Variants in DOK6 observed in about 807,000 individuals in gnomAD.
DOK6 encodes the protein docking protein 6.
A neutral mutation model predicts 44.0 loss-of-function variants in DOK6; 22 were observed. The observed-to-expected ratio is 0.50, with a 90% CI of 0.36 to 0.71. The LOEUF (loss-of-function observed/expected upper bound fraction) is 0.71, where lower values mean the gene tolerates loss of function less well. Among genes scored for constraint, DOK6 ranks in the 30% least tolerant of loss-of-function variants. The pLI, the probability that DOK6 is intolerant of heterozygous loss-of-function variation, is 0.00. For synonymous variants in DOK6, 166 were observed against 145.5 expected, an observed-to-expected ratio of 1.14 and a Z score of -1.01; for missense variants, 340 against 416.4, an observed-to-expected ratio of 0.82 and a Z score of 1.60.
intron 5 of DOK6, among the ~76,000 whole-genome samples, chr18:69,729,529 A>G (rs989131688): frequency 6.6e-6 from 1 of 152,156 alleles, no homozygotes; most frequent in Non-Finnish European, 1.5e-5. Flanking sequence ...AGTTAGAATC[A>G]TGAAGTCTAA....
chr18:69,430,575 T>G (rs1047144898), intron 1 of DOK6, among the ~76,000 whole-genome samples: 1 of 152,186 alleles, frequency 6.6e-6, no homozygotes, highest in Non-Finnish European at 1.5e-5. Context: ...TCTACCTAGA[T>G]GTTTTTCTTT....
chr18:69,661,900 C>A (rs1423107778), intron 3 of DOK6: 2 of 152,170 alleles, frequency 1.3e-5, no homozygotes, highest in Admixed American at 6.5e-5. Context: ...CTGAACTGTA[C>A]CCAGGTGTGT....
chr18:69,708,213 G>C (rs1253647560), intron 5 of DOK6, among the ~76,000 whole-genome samples: 1 of 152,152 alleles, frequency 6.6e-6, no homozygotes, highest in Non-Finnish European at 1.5e-5. Context: ...TCTATCTGGT[G>C]ACTCTGTGGA....
chr18:69,480,641 A>G (rs566715583), intron 1 of DOK6, among the ~76,000 whole-genome samples: 1 of 152,152 alleles, frequency 6.6e-6, no homozygotes, highest in Non-Finnish European at 1.5e-5. Context: ...ATATTGTGTA[A>G]TCCCTCTGCG....
intron 7 of DOK6, among the ~76,000 whole-genome samples, chr18:69,795,245 C>T (rs188407413): frequency 2.0e-5 from 3 of 152,088 alleles, no homozygotes; most frequent in African/African-American, 4.8e-5. Flanking sequence ...CCAAGACAAG[C>T]GGATGATCAT....
At chr18:69,573,442 A>G (rs1983165476) in intron 2 of DOK6, among the ~76,000 whole-genome samples, 1 of 151,982 alleles carries the variant, frequency 6.6e-6, no homozygotes, top group Non-Finnish European at 1.5e-5. Flanking sequence ...TATGAAGATG[A>G]AAGTTTTTAT....
At chr18:69,839,156 C>A (rs1312766671) in intron 7 of DOK6, among the ~76,000 whole-genome samples, 1 of 148,354 alleles carries the variant, frequency 6.7e-6, no homozygotes, top group African/African-American at 2.5e-5. Flanking sequence ...TAGCTCTTCC[C>A]CACTCTCCCT....
chr18:69,428,628 A>G (rs1468487112), intron 1 of DOK6, among the ~76,000 whole-genome samples: 1 of 152,210 alleles, frequency 6.6e-6, no homozygotes, highest in African/African-American at 2.4e-5. Context: ...GATTTAGAAT[A>G]TAAACCTCTG....
intron 1 of DOK6, among the ~76,000 whole-genome samples, chr18:69,564,045 ATC>A (rs1195710306): frequency 6.6e-6 from 1 of 152,222 alleles, no homozygotes; most frequent in Non-Finnish European, 1.5e-5. Context: ...ACTAATGAAC[ATC>A]TGTTTTTAAA....
chr18:69,532,377 T>C (rs566806126), intron 1 of DOK6, among the ~76,000 whole-genome samples: 29 of 152,334 alleles, frequency 1.9e-4, no homozygotes, highest in African/African-American at 7.0e-4. Context: ...CATGCAATAA[T>C]ATCTGTTAAT....
intron 1 of DOK6, among the ~76,000 whole-genome samples, chr18:69,404,780 T>G (rs1916167774): frequency 8.6e-6 from 1 of 116,568 alleles, no homozygotes; most frequent in African/African-American, 3.5e-5. Flanking sequence ...TGTCTCAGGA[T>G]AGGGTGGTGT....
chr18:69,456,991 G>A (rs958837372), intron 1 of DOK6, among the ~76,000 whole-genome samples: 3 of 152,054 alleles, frequency 2.0e-5, no homozygotes, highest in Non-Finnish European at 4.4e-5. Context: ...TTTTAATGGG[G>A]TTATTTGATT....
chr18:69,666,666 C>T (rs529702292), intron 3 of DOK6, among the ~76,000 whole-genome samples: 1 of 152,226 alleles, frequency 6.6e-6, no homozygotes, highest in South Asian at 2.1e-4. Context: ...GACTCAAAAA[C>T]ATGTTCATTG....
At chr18:69,663,656 C>T (rs144159531) in intron 3 of DOK6, among the ~76,000 whole-genome samples, 2,709 of 152,322 alleles carry the variant, frequency 0.018, 36 homozygotes, top group Middle Eastern at 0.048. Context: ...CCTTTCCCCA[C>T]ACCCTAGGCA....
intron 7 of DOK6, among the ~76,000 whole-genome samples, chr18:69,805,889 A>T (rs1192701699): frequency 6.6e-6 from 1 of 152,004 alleles, no homozygotes; most frequent in Admixed American, 6.6e-5. Flanking sequence ...CCCGTTTTTT[A>T]CTTTATTATG....
intron 7 of DOK6, among the ~76,000 whole-genome samples, chr18:69,760,583 C>T (rs1051355810): frequency 1.3e-5 from 2 of 152,126 alleles, no homozygotes; most frequent in South Asian, 2.1e-4. Context: ...CGCAGCTTGA[C>T]CTCTTGAATT....
At chr18:69,504,453 A>T (rs1218573504) in intron 1 of DOK6, among the ~76,000 whole-genome samples, 1 of 152,116 alleles carries the variant, frequency 6.6e-6, no homozygotes, top group African/African-American at 2.4e-5. Flanking sequence ...GAGAACATAT[A>T]CCTGATATTT....
At chr18:69,598,275 TG>T (rs1357011328) in intron 2 of DOK6, among the ~76,000 whole-genome samples, 1 of 151,610 alleles carries the variant, frequency 6.6e-6, no homozygotes, top group African/African-American at 2.4e-5. Flanking sequence ...AATATGCAAA[TG>T]TGTATATAAA....
intron 1 of DOK6, among the ~76,000 whole-genome samples, chr18:69,524,325 T>C (rs1037238168): frequency 6.6e-6 from 1 of 152,008 alleles, no homozygotes. Flanking sequence ...TTCCAAATGT[T>C]TTATAGTGTA....
Sources: gnomAD v4.1 joint callset for allele counts (sites outside exome capture counted in the v4.1 genomes callset) on GRCh38, gnomAD v4.1.1 for gene constraint, MANE v1.5 for transcripts, NCBI Gene and HGNC (gene_info 2026-07-23, HGNC 2026-07-21) for gene names.